The following PHKA1 variants were observed in gnomAD, a reference collection of about 807,000 sequenced individuals.
PHKA1 encodes the protein phosphorylase b kinase regulatory subunit alpha, skeletal muscle isoform.
Under a neutral mutation model 110.2 loss-of-function variants are expected in PHKA1, and 60 were observed. The observed-to-expected ratio is 0.54, with a 90% CI of 0.44 to 0.68. PHKA1 has a LOEUF of 0.68. Among genes scored for constraint, PHKA1 ranks in the 30% least tolerant of loss-of-function variants. The pLI, the probability that PHKA1 is intolerant of heterozygous loss-of-function variation, is 0.00. For missense variants in PHKA1, 801 were observed against 942.5 expected (o/e 0.85, Z 1.97); for synonymous variants, 316 against 333.6 (o/e 0.95, Z 0.58).
At position 72,713,677 on chromosome X, in the gene PHKA1, C is replaced by A. The variant is rs2054417285; in HGVS notation, c.78+126G>T. ...GTTCATGCAAGGTCTCCGTCACACACACACACACACACACACACACACACC... is the reference window on the plus strand; with the variant it reads ...GTTCATGCAAGGTCTCCGTCACACAAACACACACACACACACACACACACC... On this transcript the variant is annotated intron_variant, in intron 1 of 31. Coordinates refer to ENST00000373542, the MANE Select transcript of PHKA1 (RefSeq NM_002637.4). The A allele has an allele frequency of 9.2e-6, 5 of 543,642 alleles. No homozygotes were observed. In the South Asian group the frequency reaches 1.3e-4, roughly 14 times the overall value. The allele number at this position is 543,642 out of a possible 1,213,427, so 44.8% of individuals were successfully genotyped here.
At chrX:72,625,539 C>T in intron 17 of PHKA1, among the ~76,000 whole-genome samples, 1 of 111,753 alleles carries the variant, frequency 8.9e-6, no homozygotes, top group South Asian at 3.8e-4. Context: ...TGATGCCCAT[C>T]TTTATCTTTG....
chrX:72,669,454 T>C (rs997953503), intron 6 of PHKA1, among the ~76,000 whole-genome samples: 3 of 109,020 alleles, frequency 2.8e-5, no homozygotes, highest in African/African-American at 1.0e-4. Flanking sequence ...TATGTATACA[T>C]GTGCCATGTT....
At position 72,652,524 on chromosome X, in the gene PHKA1, G is replaced by A; in HGVS notation, c.1245+20C>T. The A allele has an allele frequency of 1.1e-6, 1 of 912,354 alleles. No individual in the cohort carries two copies. The highest frequency in any genetic ancestry group is 1.6e-6 in the Non-Finnish European group (1 of 622,876). The allele number at this position is 912,354 out of a possible 1,213,427, so 75.2% of individuals were successfully genotyped here. ...ACTTAAGGCAGAAAAAAGTGGGACA[G>A]CCTTGAAGATTCCTCTTACCTCTGC... On this transcript the variant is annotated intron_variant, in intron 12 of 31. Transcript: ENST00000373542.
intron 21 of PHKA1, among the ~76,000 whole-genome samples, chrX:72,616,904 G>A (rs1348224030): frequency 3.6e-5 from 4 of 111,709 alleles, no homozygotes; most frequent in South Asian, 7.5e-4. Context: ...AAACAACCAA[G>A]GGGTCACTGA....
chrX:72,611,986 A>T (rs1428785491), intron 21 of PHKA1, among the ~76,000 whole-genome samples: 1 of 112,183 alleles, frequency 8.9e-6, no homozygotes, highest in African/African-American at 3.2e-5. Context: ...TTATACAGTC[A>T]ATAGAAATAA....
chrX:72,662,269 C>T (rs1021688661), intron 8 of PHKA1, among the ~76,000 whole-genome samples: 4 of 111,717 alleles, frequency 3.6e-5, no homozygotes, highest in African/African-American at 3.3e-5. Context: ...TGCAGGAGTG[C>T]AGTAGTTGGC....
At chrX:72,681,397 G>A (rs1476031618) in intron 5 of PHKA1, among the ~76,000 whole-genome samples, 1 of 111,230 alleles carries the variant, frequency 9.0e-6, no homozygotes, top group Non-Finnish European at 1.9e-5. Flanking sequence ...GGGAGGTGGG[G>A]GGGGGTCAGC....
chrX:72,684,192 A>G (rs2066087285), intron 5 of PHKA1, among the ~76,000 whole-genome samples: 1 of 112,040 alleles, frequency 8.9e-6, no homozygotes, highest in African/African-American at 3.2e-5. Context: ...TCTTGCTCTT[A>G]AGAACTTAAA....
At chrX:72,611,981 C>T (rs1170381038) in intron 21 of PHKA1, among the ~76,000 whole-genome samples, 1 of 111,731 alleles carries the variant, frequency 9.0e-6, no homozygotes, top group Non-Finnish European at 1.9e-5. Context: ...ACTAGTTATA[C>T]AGTCAATAGA....
At chrX:72,609,116 G>A (rs1382783072) in intron 23 of PHKA1, among the ~76,000 whole-genome samples, 1 of 112,327 alleles carries the variant, frequency 8.9e-6, no homozygotes, top group Non-Finnish European at 1.9e-5. Context: ...TCCAGGCCAA[G>A]CCTATCTTAG....
In PHKA1 at chrX:72,580,666, A is replaced by G. The variant is rs2052323241; in HGVS notation, c.*336T>C. On this transcript the variant is annotated 3_prime_UTR_variant, in exon 32 of 32. Transcript: ENST00000373542. ...TATTATTAACACTTGCTCCCCAAAC[A>G]GGAGTTAGAAAACTATATTGGTAAC... The G allele has an allele frequency of 7.2e-6, 2 of 278,075 alleles. No individual in the cohort carries two copies. The highest frequency in any genetic ancestry group is 1.4e-4 in the East Asian group (2 of 14,191). 22.9% of individuals were successfully genotyped at this position (278,075 alleles called of 1,213,427 possible).
chrX:72,593,469 G>A (rs2052550934), intron 28 of PHKA1, 195 bp from the exon 29 acceptor site: 1 of 392,851 alleles, frequency 2.5e-6, no homozygotes, highest in South Asian at 3.5e-5. Context: ...AGCCTCCCGA[G>A]TAGCTAGGAC....
chrX:72,619,320 C>T lies in PHKA1; in HGVS notation c.2138-15G>A. 9.7e-7 allele frequency: 1 copy of T among 1,030,711 alleles called. No individual in the cohort carries two copies. The highest frequency in any genetic ancestry group is 1.4e-6 in the Non-Finnish European group (1 of 732,849). 84.9% of individuals were successfully genotyped at this position (1,030,711 alleles called of 1,213,427 possible). A position where few individuals can be genotyped will look rare whatever the true frequency, so the allele number is the denominator to read the frequency against. ...CATGTGAACATCTGCAAAAATATGA[C>T]ATTTATGGGAAATATTAGGTAATTA... On this transcript the variant is annotated splice_polypyrimidine_tract_variant and intron_variant, in intron 19 of 31. Coordinates refer to ENST00000373542, the MANE Select transcript of PHKA1 (RefSeq NM_002637.4).
chrX:72,589,276 T>G (rs2052481082), intron 29 of PHKA1, among the ~76,000 whole-genome samples: 1 of 111,661 alleles, frequency 9.0e-6, no homozygotes, highest in Non-Finnish European at 1.9e-5. Flanking sequence ...CTTCAACATA[T>G]GCAAATCAAT....
At chrX:72,621,500 A>G (rs782008741) in intron 18 of PHKA1, among the ~76,000 whole-genome samples, 61 of 111,881 alleles carry the variant, frequency 5.5e-4, no homozygotes, top group African/African-American at 1.9e-3. Context: ...GGTAATGGAA[A>G]GAAAAACATA....
chrX:72,681,299 G>T (rs1299096801), intron 5 of PHKA1, among the ~76,000 whole-genome samples: 2 of 105,466 alleles, frequency 1.9e-5, no homozygotes, highest in Non-Finnish European at 4.0e-5. Context: ...CAACCACCCC[G>T]TCTGAGAAGT....
At chrX:72,599,063 T>G (rs1603253009) in intron 28 of PHKA1, among the ~76,000 whole-genome samples, 1 of 111,367 alleles carries the variant, frequency 9.0e-6, no homozygotes, top group East Asian at 2.8e-4. Flanking sequence ...TCAGACTGTT[T>G]TCCAAAGCCA....
chrX:72,581,851 C>T (rs1206403816), intron 31 of PHKA1, among the ~76,000 whole-genome samples: 1 of 112,051 alleles, frequency 8.9e-6, no homozygotes, highest in Non-Finnish European at 1.9e-5. Flanking sequence ...ACTGTTAATA[C>T]GGGCAACATT....
chrX:72,666,437 G>T, intron 7 of PHKA1, 140 bp from the exon 8 acceptor site: 2 of 520,392 alleles, frequency 3.8e-6, no homozygotes, highest in Non-Finnish European at 6.4e-6. Context: ...TTTTAAGTAG[G>T]TTAGTAAATA....
Sources: allele counts gnomAD v4.1 joint callset (sites outside exome capture counted in the v4.1 genomes callset), GRCh38; gene constraint gnomAD v4.1.1; transcripts MANE v1.5; gene names NCBI Gene and HGNC (gene_info 2026-07-23, HGNC 2026-07-21).